Variants in ECH1 observed in about 807,000 individuals in gnomAD.
ECH1 encodes the protein delta(3,5)-Delta(2,4)-dienoyl-CoA isomerase, mitochondrial.
Under a neutral mutation model 37.0 loss-of-function variants are expected in ECH1, and 30 were observed. That is an observed-to-expected ratio of 0.81 (90% CI 0.61 to 1.10). ECH1 has a LOEUF of 1.10. ECH1 is among the 50% of genes least tolerant of loss of function. ECH1 has a pLI of 0.00. For missense variants in ECH1, 456 were observed against 441.6 expected, an observed-to-expected ratio of 1.03 and a Z score of -0.29; for synonymous variants, 178 against 176.0, an observed-to-expected ratio of 1.01 and a Z score of -0.09.
At chr19:38,821,786 C>T (rs1008985594) in intron 3 of ECH1, among the ~76,000 whole-genome samples, 12 of 152,252 alleles carry the variant, frequency 7.9e-5, no homozygotes, top group East Asian at 3.9e-4. Flanking sequence ...CCCCCGCCGC[C>T]GTGGGCTCCT....
intron 8 of ECH1, 88 bp from the exon 9 acceptor site, chr19:38,816,095 G>A: frequency 6.4e-7 from 1 of 1,570,740 alleles, no homozygotes; most frequent in Non-Finnish European, 8.6e-7. Flanking sequence ...CACTCACAGA[G>A]GAAGGCCCAA....
intron 7 of ECH1, 38 bp downstream of exon 7, chr19:38,816,415 G>A: frequency 6.2e-7 from 1 of 1,613,886 alleles, no homozygotes; most frequent in Non-Finnish European, 8.5e-7. Context: ...AGATGCTCTG[G>A]GGTCTCCTGC....
intron 3 of ECH1, among the ~76,000 whole-genome samples, chr19:38,821,976 C>A (rs1971670070): frequency 6.6e-6 from 1 of 152,240 alleles, no homozygotes. Flanking sequence ...AGCTGAGGGA[C>A]TGTAAATGCA....
rs1043692995 is a variant in ECH1 at position 38,827,616 on chromosome 19, G to A, written c.349+3462C>T. ...GGGGAGAGCCAGAGCGAGGAGTCCC[G>A]AATTCTGTGTATCAACTCTGCCCTA... On this transcript the variant is annotated intron_variant, in intron 3 of 9. Transcript: ENST00000221418. Among the ~76,000 whole-genome samples, 3 of 152,154 alleles carry A rather than the reference G, an allele frequency of 2.0e-5. 1 individual carries two copies. Among genetic ancestry groups the A allele is most frequent in the South Asian group, 4.1e-4 (2 of 4,822 alleles).
rs1971809926 is a variant in ECH1 at position 38,830,948 on chromosome 19, C to G, written c.349+130G>C. 6.4e-6 allele frequency: 5 copies of G among 782,238 alleles called. No individual in the cohort carries two copies. The South Asian group carries it at 7.0e-5, about 11-fold the overall frequency. 48.5% of individuals were successfully genotyped at this position (782,238 alleles called of 1,614,324 possible). On this transcript the variant is annotated intron_variant, in intron 3 of 9. Coordinates refer to ENST00000221418, the MANE Select transcript of ECH1 (RefSeq NM_001398.3). ...TCCAGCGTGGCAACAGAGCAAGACCCCGTCTCAAAAAAAAAAAAAAAAAGT... is the reference window on the plus strand; with the variant it reads ...TCCAGCGTGGCAACAGAGCAAGACCGCGTCTCAAAAAAAAAAAAAAAAAGT...
intron 3 of ECH1, among the ~76,000 whole-genome samples, chr19:38,829,329 C>A (rs1039201658): frequency 6.8e-6 from 1 of 148,096 alleles, no homozygotes; most frequent in East Asian, 2.0e-4. Flanking sequence ...GGCCTGGTGG[C>A]GGGCATCTGT....
chr19:38,829,285 CAAAAAAA>C (rs35813067), intron 3 of ECH1, among the ~76,000 whole-genome samples: 3 of 64,246 alleles, frequency 4.7e-5, no homozygotes, highest in East Asian at 9.5e-4. Flanking sequence ...ACTCCTTCTC[CAAAAAAA>C]AAAAAAAAAA....
chr19:38,815,428 A>T lies in ECH1; in HGVS notation c.*185T>A, dbSNP rs201780904. 1 of 602,904 alleles carries T rather than the reference A, an allele frequency of 1.7e-6. No individual in the cohort carries two copies. Among genetic ancestry groups the T allele is most frequent in the South Asian group, 2.0e-5 (1 of 50,256 alleles). The allele number at this position is 602,904 out of a possible 1,614,324, so 37.3% of individuals were successfully genotyped here. A position where few individuals can be genotyped will look rare whatever the true frequency, so the allele number is the denominator to read the frequency against. Reference sequence around the variant, plus strand: ...ATCCAAGAAGGGCACCAGGTTCTTTACTTTGCTTTATTGTTTGTGGGGTGA... The same window carrying T: ...ATCCAAGAAGGGCACCAGGTTCTTTTCTTTGCTTTATTGTTTGTGGGGTGA... On this transcript the variant is annotated 3_prime_UTR_variant, in exon 10 of 10. Coordinates refer to ENST00000221418, the MANE Select transcript of ECH1 (RefSeq NM_001398.3).
intron 3 of ECH1, among the ~76,000 whole-genome samples, chr19:38,818,815 T>C (rs891730109): frequency 6.6e-6 from 1 of 152,130 alleles, no homozygotes; most frequent in Non-Finnish European, 1.5e-5. Flanking sequence ...CTGTGGCTCT[T>C]AGAACAAAAT....
intron 3 of ECH1, among the ~76,000 whole-genome samples, chr19:38,825,048 C>G (rs1971719101): frequency 6.6e-6 from 1 of 152,200 alleles, no homozygotes; most frequent in Non-Finnish European, 1.5e-5. Flanking sequence ...CTAGGGCAAA[C>G]TTTCGACCTC....
chr19:38,816,207 C>G, intron 8 of ECH1, 77 bp downstream of exon 8: 1 of 1,566,466 alleles, frequency 6.4e-7, no homozygotes, highest in Non-Finnish European at 8.7e-7. Flanking sequence ...AGCGAGGAGA[C>G]AAGGGGACCC....
At chr19:38,815,754 G>C in intron 9 of ECH1, 37 bp from the exon 10 acceptor site, 1 of 1,613,982 alleles carries the variant, frequency 6.2e-7, no homozygotes, top group East Asian at 2.2e-5. Flanking sequence ...CGAGGAGAGA[G>C]ATTAGCAGGG....
At chr19:38,818,938 GTTCCCAACC>G (rs1971620470) in intron 3 of ECH1, among the ~76,000 whole-genome samples, 1 of 49,058 alleles carries the variant, frequency 2.0e-5, no homozygotes, top group African/African-American at 5.9e-5. Flanking sequence ...TGTGTGCACT[GTTCCCAACC>G]TGTTACTTTG....
chr19:38,823,274 G>T, intron 3 of ECH1: 1 of 173,774 alleles, frequency 5.8e-6, no homozygotes, highest in Non-Finnish European at 1.2e-5. Context: ...CTTGAAGTCA[G>T]TGAGACCAAG....
intron 6 of ECH1, 107 bp downstream of exon 6, chr19:38,816,958 G>T: frequency 7.8e-7 from 1 of 1,277,780 alleles, no homozygotes; most frequent in Non-Finnish European, 1.1e-6. Flanking sequence ...GTCTTACTTT[G>T]TCGGGTTCAA....
At chr19:38,816,558 C>T (rs370750266) in intron 6 of ECH1, 35 bp from the exon 7 acceptor site, 8 of 1,611,434 alleles carry the variant, frequency 5.0e-6, no homozygotes, top group Non-Finnish European at 5.9e-6. Flanking sequence ...TTGGTTTCTG[C>T]CCAATACTGT....
intron 3 of ECH1, among the ~76,000 whole-genome samples, chr19:38,825,641 G>A (rs565780089): frequency 7.3e-4 from 111 of 152,292 alleles, no homozygotes; most frequent in African/African-American, 2.2e-3. Flanking sequence ...GAGAAAGGCC[G>A]CAGCCTTAGT....
intron 3 of ECH1, among the ~76,000 whole-genome samples, chr19:38,827,089 G>A (rs1183422288): frequency 1.4e-5 from 2 of 140,716 alleles, no homozygotes; most frequent in Non-Finnish European, 3.1e-5. Context: ...GGAGAGGGAG[G>A]GAGGGGAAGG....
chr19:38,829,373 A>T (rs1394634401), intron 3 of ECH1, among the ~76,000 whole-genome samples: 5 of 151,832 alleles, frequency 3.3e-5, no homozygotes, highest in Non-Finnish European at 7.4e-5. Flanking sequence ...AGGCAGGAGA[A>T]TTGCTTCAAC....
Sources: gnomAD v4.1 joint callset for allele counts (sites outside exome capture counted in the v4.1 genomes callset) on GRCh38, gnomAD v4.1.1 for gene constraint, MANE v1.5 for transcripts, NCBI Gene and HGNC (gene_info 2026-07-23, HGNC 2026-07-21) for gene names.